Variants in SLC39A8 observed in about 807,000 individuals in gnomAD.
SLC39A8 encodes the protein solute carrier family 39 member 8.
A neutral mutation model predicts 40.4 loss-of-function variants in SLC39A8; 15 were observed. The ratio of observed to expected loss-of-function variants is 0.37; its 90% confidence interval spans 0.25 to 0.57. The LOEUF (loss-of-function observed/expected upper bound fraction) is 0.57, where lower values mean the gene tolerates loss of function less well. SLC39A8 is among the 20% of genes least tolerant of loss of function. The probability of loss-of-function intolerance (pLI) is 0.75; values close to 1 mark genes in which losing one functional copy is unlikely to be tolerated. For synonymous variants in SLC39A8, 223 were observed against 221.6 expected, an observed-to-expected ratio of 1.01 and a Z score of -0.06; for missense variants, 472 against 558.8, an observed-to-expected ratio of 0.84 and a Z score of 1.57.
chr4:102,337,024 T>C (rs1735695986), intron 2 of SLC39A8, among the ~76,000 whole-genome samples: 1 of 152,158 alleles, frequency 6.6e-6, no homozygotes, highest in South Asian at 2.1e-4. Context: ...CACTTAGTAA[T>C]GTGTACATCC....
At chr4:102,306,000 G>A (rs1038155715) in intron 4 of SLC39A8, among the ~76,000 whole-genome samples, 1 of 151,878 alleles carries the variant, frequency 6.6e-6, no homozygotes, top group Non-Finnish European at 1.5e-5. Flanking sequence ...ACTTCTTTGT[G>A]CCTGTTTATA....
chr4:102,337,822 T>C (rs1457635767), intron 2 of SLC39A8, among the ~76,000 whole-genome samples: 1 of 152,320 alleles, frequency 6.6e-6, no homozygotes, highest in East Asian at 1.9e-4. Flanking sequence ...AAAGTACTAT[T>C]GTTGCTCAAA....
At chr4:102,345,071 G>C (rs1210096282) in intron 1 of SLC39A8, 156 bp from the exon 2 acceptor site, 1 of 230,870 alleles carries the variant, frequency 4.3e-6, no homozygotes, top group East Asian at 1.3e-4. Context: ...CAGGATTTGC[G>C]TACATATGCT....
intron 2 of SLC39A8, among the ~76,000 whole-genome samples, chr4:102,326,825 C>T (rs1560565717): frequency 6.6e-6 from 1 of 152,098 alleles, no homozygotes; most frequent in African/African-American, 2.4e-5. Context: ...GAGCTAGGAG[C>T]TTCTAACCTA....
intron 3 of SLC39A8, 53 bp from the exon 4 acceptor site, chr4:102,307,658 T>C (rs1387711371): frequency 5.8e-6 from 9 of 1,556,472 alleles, no homozygotes; most frequent in African/African-American, 1.4e-5. Context: ...AGGAACCAAA[T>C]GATGTTTTCC....
intron 11 of SLC39A8, among the ~76,000 whole-genome samples, chr4:102,255,383 A>G (rs1731684121): frequency 6.6e-6 from 1 of 152,192 alleles, no homozygotes; most frequent in South Asian, 2.1e-4. Context: ...GGATGTCAGG[A>G]ACTAGAACCA....
At chr4:102,273,439 G>A (rs745653809) in intron 6 of SLC39A8, among the ~76,000 whole-genome samples, 68 of 152,174 alleles carry the variant, frequency 4.5e-4, no homozygotes, top group Non-Finnish European at 9.0e-4. Flanking sequence ...AAAGGCAGCC[G>A]CCCCAGTGAG....
intron 6 of SLC39A8, 38 bp from the exon 7 acceptor site, chr4:102,268,117 T>G: frequency 6.2e-7 from 1 of 1,603,190 alleles, no homozygotes; most frequent in African/African-American, 1.3e-5. Flanking sequence ...CCAACATTTC[T>G]TGAAAGTCTC....
intron 11 of SLC39A8, among the ~76,000 whole-genome samples, chr4:102,256,397 CTA>C (rs1221118445): frequency 1.3e-5 from 2 of 152,152 alleles, no homozygotes; most frequent in Non-Finnish European, 2.9e-5. Flanking sequence ...ATCTAGAAAT[CTA>C]TGTCTTTATT....
chr4:102,306,185 C>T (rs1249528560), intron 4 of SLC39A8, among the ~76,000 whole-genome samples: 5 of 151,756 alleles, frequency 3.3e-5, no homozygotes, highest in African/African-American at 1.2e-4. Context: ...AAATAGAAAA[C>T]CTTAACATCA....
intron 2 of SLC39A8, among the ~76,000 whole-genome samples, chr4:102,340,412 A>G (rs1369685606): frequency 1.3e-5 from 2 of 152,252 alleles, no homozygotes; most frequent in Non-Finnish European, 1.5e-5. Context: ...GACTTCGACT[A>G]CACTCTTGAG....
Position 102,253,169 on chromosome 4 carries a change from G to A in SLC39A8, c.*560C>T, listed in dbSNP as rs535966969. On this transcript the variant is annotated 3_prime_UTR_variant and NMD_transcript_variant, in exon 12 of 12. Transcript: ENST00000424970. The stretch of plus-strand genomic sequence containing the variant: ...AAACATGTCGTTTTTCGGGGCGAGC[G>A]GGGAGGGCGGCGGGGAACACAATTA... 1.4e-3 allele frequency: 492 copies of A among 342,296 alleles called. 3 individuals carry two copies. In the East Asian group the frequency reaches 0.016, roughly 11 times the overall value. The allele number at this position is 342,296 out of a possible 1,614,324, so 21.2% of individuals were successfully genotyped here. A position where few individuals can be genotyped will look rare whatever the true frequency, so the allele number is the denominator to read the frequency against.
intron 6 of SLC39A8, among the ~76,000 whole-genome samples, chr4:102,272,787 G>T (rs1159903433): frequency 1.3e-5 from 2 of 152,024 alleles, no homozygotes; most frequent in Admixed American, 6.5e-5. Context: ...TAGACAGTGG[G>T]TGCAGCCCTC....
intron 3 of SLC39A8, among the ~76,000 whole-genome samples, chr4:102,309,703 A>G (rs1220097633): frequency 1.3e-5 from 2 of 152,140 alleles, no homozygotes; most frequent in Non-Finnish European, 2.9e-5. Flanking sequence ...AAGCAAAGCC[A>G]CATGCACATG....
Position 102,262,800 on chromosome 4 carries a change from A to G in SLC39A8, c.*244T>C, listed in dbSNP as rs979946389. The stretch of plus-strand genomic sequence containing the variant: ...ATCTAATATGCATGGAATACTGAAA[A>G]ATAGGTATTTCCCAAAGGCTCCTAT... On this transcript the variant is annotated 3_prime_UTR_variant, in exon 9 of 9. Coordinates refer to ENST00000356736, the MANE Select transcript of SLC39A8 (RefSeq NM_001135146.2). 1 of 1,239,560 alleles carries G rather than the reference A, an allele frequency of 8.1e-7. No individual in the cohort carries two copies. Among genetic ancestry groups the G allele is most frequent in the Non-Finnish European group, 1.0e-6 (1 of 988,474 alleles). 76.8% of individuals were successfully genotyped at this position (1,239,560 alleles called of 1,614,324 possible).
intron 2 of SLC39A8, among the ~76,000 whole-genome samples, chr4:102,320,193 A>ATATG (rs1734857473): frequency 7.6e-6 from 1 of 131,836 alleles, no homozygotes; most frequent in African/African-American, 2.9e-5. Flanking sequence ...ATATATATGT[A>ATATG]TATATATATG....
At chr4:102,317,305 C>G (rs7436937) in intron 2 of SLC39A8, among the ~76,000 whole-genome samples, 1 of 151,978 alleles carries the variant, frequency 6.6e-6, no homozygotes, top group South Asian at 2.1e-4. Context: ...AGTTGTCCAA[C>G]GCTAAGATTA....
Position 102,254,093 on chromosome 4 carries a change from T to C in SLC39A8, c.*299-663A>G, listed in dbSNP as rs72924809. Among the ~76,000 whole-genome samples, 1,099 of 152,320 alleles carry C rather than the reference T, an allele frequency of 7.2e-3. 15 individuals carry two copies. Among genetic ancestry groups the C allele is most frequent in the African/African-American group, 0.025 (1,037 of 41,564 alleles). The stretch of plus-strand genomic sequence containing the variant: ...GGTCTGATCAGAAATGAATTCGACG[T>C]TATTCATTAAACCCAAGTCAAACAG... On this transcript the variant is annotated intron_variant and NMD_transcript_variant, in intron 11 of 11. Transcript: ENST00000424970.
In SLC39A8 at chr4:102,263,173, C is replaced by A; in HGVS notation, c.1254G>T (p.Met418Ile). Residue 418 changes from methionine to isoleucine, a missense_variant, in exon 9 of 9, where the codon ATG becomes ATT. This residue lies in a region of SLC39A8 where 50 missense variants were observed against 50.5 expected (regional missense o/e 0.99). Coordinates refer to ENST00000356736, the MANE Select transcript of SLC39A8 (RefSeq NM_001135146.2). The stretch of plus-strand genomic sequence containing the variant: ...TTCTTCCAGTTACCTTTTCTCTCAG[C>A]ATATCATTCATCTCTGGAAACTAGA... The part of the protein sequence containing the change: ...LADMFPEMND[M>I]LREKVTGRKT... 6.2e-7 allele frequency: 1 copy of A among 1,613,480 alleles called. No individual in the cohort carries two copies. The highest frequency in any genetic ancestry group is 1.1e-5 in the South Asian group (1 of 91,026).
Sources: allele counts gnomAD v4.1 joint callset (sites outside exome capture counted in the v4.1 genomes callset), GRCh38; gene constraint gnomAD v4.1.1; regional missense constraint gnomAD v4.1.1; transcripts MANE v1.5; gene names NCBI Gene and HGNC (gene_info 2026-07-23, HGNC 2026-07-21).